SAGE1: variants seen among roughly 807,000 people sequenced by gnomAD.
The protein encoded by SAGE1 is sarcoma antigen 1, also known as cancer/testis antigen 14.
SAGE1 carries 55 observed loss-of-function variants against 55.4 expected under a neutral mutation model. The observed-to-expected ratio is 0.99, with a 90% CI of 0.80 to 1.24. The LOEUF (loss-of-function observed/expected upper bound fraction) is 1.24, where lower values mean the gene tolerates loss of function less well. Ranked by LOEUF, SAGE1 falls within the 50% of genes most tolerant of loss-of-function variation. SAGE1 has a pLI of 0.00. For synonymous variants in SAGE1, 240 were observed against 244.3 expected (o/e 0.98, Z 0.17); for missense variants, 710 against 704.4 (o/e 1.01, Z -0.09).
intron 9 of SAGE1, 45 bp from the exon 10 acceptor site, chrX:135,907,656 A>G (rs1164900677): frequency 1.7e-6 from 2 of 1,188,537 alleles, no homozygotes; most frequent in African/African-American, 3.5e-5. Flanking sequence ...TAGGGCTGAC[A>G]TAATACACTT....
At chrX:135,903,411 A>G (rs1232262178) in intron 3 of SAGE1, among the ~76,000 whole-genome samples, 10 of 112,718 alleles carry the variant, frequency 8.9e-5, no homozygotes, top group Non-Finnish European at 1.9e-4. Context: ...TGACTGCCCC[A>G]TGAGGATGTG....
intron 1 of SAGE1, among the ~76,000 whole-genome samples, chrX:135,894,588 TC>T (rs2088555086): frequency 9.0e-6 from 1 of 110,856 alleles, no homozygotes; most frequent in Admixed American, 9.7e-5. Context: ...ATTTTTTTTT[TC>T]ACCTTTTCGG....
intron 7 of SAGE1, 98 bp from the exon 8 acceptor site, chrX:135,906,828 T>C (rs782405063): frequency 9.6e-5 from 96 of 1,003,887 alleles, no homozygotes; most frequent in Non-Finnish European, 4.5e-5. Flanking sequence ...CTCCTGTTTA[T>C]GAGATAATTT....
rs138507588 is a variant in SAGE1, at chrX:135,907,363, C to A, written c.928C>A (p.Pro310Thr). The A allele has an allele frequency of 1.7e-6, 2 of 1,206,033 alleles. No individual in the cohort carries two copies. The highest frequency in any genetic ancestry group is 3.5e-5 in the African/African-American group (2 of 57,055). ...VCEEKMENDQ[P>T]QPNNVLSTVQ... Reference sequence around the variant, plus strand: ...TGAAGAGAAGATGGAAAATGACCAACCGCAACCTAATAACGTATTGTCAAC... The same window carrying A: ...TGAAGAGAAGATGGAAAATGACCAAACGCAACCTAATAACGTATTGTCAAC... Residue 310 changes from proline to threonine, a missense_variant, in exon 9 of 20, where the codon CCG (proline) becomes ACG (threonine). Pro to Thr is a conservative substitution (Grantham distance 38, BLOSUM62 -1). Transcript: ENST00000370709.
At chrX:135,907,480 C>T in intron 9 of SAGE1, 27 bp downstream of exon 9, 1 of 1,170,773 alleles carries the variant, frequency 8.5e-7, no homozygotes, top group Admixed American at 2.3e-5. Flanking sequence ...GTTGTAGTGT[C>T]CTAGTTGGTT....
rs782392149 is a variant in SAGE1, at chrX:135,905,996, C to T, written c.455-28C>T. On this transcript the variant is annotated intron_variant, in intron 5 of 19. Transcript: ENST00000370709. The stretch of plus-strand genomic sequence containing the variant: ...GCACTGACGTAATGCACTTACCTCA[C>T]AGCTTGAACTCTTCATTTGGTTTCC... 2.6e-5 allele frequency: 31 copies of T among 1,183,532 alleles called. No homozygotes were observed. The South Asian group carries it at 5.7e-4, about 22-fold the overall frequency.
In SAGE1 at chrX:135,908,465, T is replaced by C. The variant is rs782189990; in HGVS notation, c.1301-12T>C. 1.7e-5 allele frequency: 20 copies of C among 1,193,895 alleles called. No individual in the cohort carries two copies. The Admixed American group carries it at 4.4e-4, about 26-fold the overall frequency. The stretch of plus-strand genomic sequence containing the variant: ...CTTAACTCACAGCTCGACCTCTTTA[T>C]TTGGTTTCTAGATGCTACCGTCAAT... On this transcript the variant is annotated splice_polypyrimidine_tract_variant and intron_variant, in intron 11 of 19. Coordinates refer to ENST00000370709, the MANE Select transcript of SAGE1 (RefSeq NM_001381902.1).
intron 19 of SAGE1, 55 bp downstream of exon 19, chrX:135,912,469 A>G: frequency 8.4e-7 from 1 of 1,189,639 alleles, no homozygotes. Flanking sequence ...CCAATTTGGG[A>G]CAGGGGCAGG....
At chrX:135,904,622 G>GTATGTC (rs782280852) in intron 4 of SAGE1, 53 bp downstream of exon 4, 192,318 of 806,208 alleles carry the variant, frequency 0.24, 17,824 homozygotes, top group Non-Finnish European at 0.26. Flanking sequence ...TCATCCATGA[G>GTATGTC]TACTTATTAA....
chrX:135,903,985 A>C (rs1225612307), intron 3 of SAGE1, among the ~76,000 whole-genome samples: 2 of 112,097 alleles, frequency 1.8e-5, no homozygotes, highest in Admixed American at 9.5e-5. Flanking sequence ...GAAATAAATA[A>C]TTCTTTAGAA....
chrX:135,897,448 C>T (rs1556594376), intron 2 of SAGE1, among the ~76,000 whole-genome samples: 1 of 111,704 alleles, frequency 9.0e-6, no homozygotes, highest in Admixed American at 9.5e-5. Flanking sequence ...ACACCTCACT[C>T]ATAGGGATTG....
At position 135,907,447 on chromosome X, in the gene SAGE1, G is replaced by A. The variant is rs782379330; in HGVS notation, c.1012G>A (p.Asp338Asn). 1 of 1,203,689 alleles carries A rather than the reference G, an allele frequency of 8.3e-7. No individual in the cohort carries two copies. Among genetic ancestry groups the A allele is most frequent in the East Asian group, 3.0e-5 (1 of 33,816 alleles). Reference protein sequence around the residue: ...ATGIPGMNTRDQYATITHNVC... With the variant: ...ATGIPGMNTRNQYATITHNVC... Reference sequence around the variant, plus strand: ...TGGTATTCCGGGCATGAATACCAGGGATCAGTGTATGTTTGTTTACTAGTT... The same window carrying A: ...TGGTATTCCGGGCATGAATACCAGGAATCAGTGTATGTTTGTTTACTAGTT... Residue 338 changes from aspartate to asparagine, a missense_variant, in exon 9 of 20, where the codon GAT (aspartate) becomes AAT (asparagine). By Grantham distance (23) the Asp-to-Asn change is conservative (BLOSUM62 1). Transcript: ENST00000370709.
At chrX:135,910,784 A>G (rs1325054225) in intron 16 of SAGE1, among the ~76,000 whole-genome samples, 1 of 111,174 alleles carries the variant, frequency 9.0e-6, no homozygotes, top group Non-Finnish European at 1.9e-5. Context: ...TCACGGCTCA[A>G]TCTCTTCATT....
rs147691037 is a variant in SAGE1, at chrX:135,906,455, G to T, written c.640G>T (p.Val214Phe). 1.9e-5 allele frequency: 23 copies of T among 1,209,659 alleles called. No homozygotes were observed. The highest frequency in any genetic ancestry group is 2.3e-4 in the Middle Eastern group (1 of 4,372). The change falls in exon 7 of 20, where the codon GTC (valine) becomes TTC (phenylalanine). Residue 214 changes from valine to phenylalanine, a missense_variant. Val to Phe is a conservative substitution (Grantham distance 50). Coordinates refer to ENST00000370709, the MANE Select transcript of SAGE1 (RefSeq NM_001381902.1). Reference protein sequence around the residue: ...HNVCEQKMENVQPAPDNVLLT... With the variant: ...HNVCEQKMENFQPAPDNVLLT... ...TGTCTGTGAACAGAAGATGGAAAAT[G>T]TCCAACCAGCACCTGATAACGTGTT...
intron 14 of SAGE1, 61 bp from the exon 15 acceptor site, chrX:135,909,969 T>C (rs957530631): frequency 4.2e-5 from 47 of 1,121,903 alleles, no homozygotes; most frequent in Non-Finnish European, 4.7e-5. Flanking sequence ...CAGGAAGATA[T>C]ACCTGTGGGG....
intron 2 of SAGE1, among the ~76,000 whole-genome samples, chrX:135,901,315 A>T (rs2088676212): frequency 9.0e-6 from 1 of 111,274 alleles, no homozygotes; most frequent in Non-Finnish European, 1.9e-5. Context: ...ATTTATCATG[A>T]CTGTACCATG....
intron 11 of SAGE1, 24 bp downstream of exon 11, chrX:135,908,253 T>C (rs1206581496): frequency 3.4e-6 from 4 of 1,177,959 alleles, no homozygotes; most frequent in Non-Finnish European, 4.6e-6. Flanking sequence ...CTAGTTGTAC[T>C]ATCCTACTTG....
At chrX:135,909,574 G>T in intron 13 of SAGE1, 65 bp from the exon 14 acceptor site, 2 of 1,022,264 alleles carry the variant, frequency 2.0e-6, no homozygotes, top group African/African-American at 3.7e-5. Context: ...ACATCAGAGG[G>T]ATATACCTGT....
At chrX:135,899,999 C>T (rs1273638943) in intron 2 of SAGE1, among the ~76,000 whole-genome samples, 4 of 110,703 alleles carry the variant, frequency 3.6e-5, no homozygotes, top group Non-Finnish European at 7.5e-5. Flanking sequence ...TTGCCTTGCC[C>T]GATTCCCCTG....
Sources: allele counts gnomAD v4.1 joint callset (sites outside exome capture counted in the v4.1 genomes callset), GRCh38; gene constraint gnomAD v4.1.1; transcripts MANE v1.5; gene names NCBI Gene and HGNC (gene_info 2026-07-23, HGNC 2026-07-21).